The following DNMT3A variants were observed in gnomAD, a reference collection of about 807,000 sequenced individuals.
DNMT3A encodes the protein DNA (cytosine-5)-methyltransferase 3A.
Under a neutral mutation model 117.6 loss-of-function variants are expected in DNMT3A, and 267 were observed. That is an observed-to-expected ratio of 2.27 (90% CI 2.05 to 2.51). DNMT3A has a LOEUF of 2.51. Ranked by LOEUF, DNMT3A falls within the 30% of genes most tolerant of loss-of-function variation. The pLI, the probability that DNMT3A is intolerant of heterozygous loss-of-function variation, is 0.00. For missense variants in DNMT3A, 1,029 were observed against 1,260.2 expected (o/e 0.82, Z 2.78); for synonymous variants, 432 against 474.8 (o/e 0.91, Z 1.17).
At chr2:25,238,728 CCT>C (rs542316488) in intron 20 of DNMT3A, among the ~76,000 whole-genome samples, 98 of 152,254 alleles carry the variant, frequency 6.4e-4, no homozygotes, top group African/African-American at 2.2e-3. Context: ...TGCAAGATTC[CCT>C]CTCCTGGAAC....
chr2:25,244,440 G>A (rs572872144), intron 14 of DNMT3A, 100 bp downstream of exon 14: 35 of 1,577,016 alleles, frequency 2.2e-5, no homozygotes, highest in Middle Eastern at 1.7e-4. Flanking sequence ...GCATGGCTAG[G>A]GGGTGGAGGG....
At chr2:25,288,998 T>G (rs1014685694) in intron 3 of DNMT3A, among the ~76,000 whole-genome samples, 6 of 152,352 alleles carry the variant, frequency 3.9e-5, no homozygotes, top group East Asian at 1.9e-4. Flanking sequence ...ATGCCACGTT[T>G]GTTTACAAAG....
intron 6 of DNMT3A, among the ~76,000 whole-genome samples, chr2:25,265,364 G>C (rs1211343139): frequency 3.9e-5 from 6 of 152,178 alleles, no homozygotes. Context: ...AGGAAACCAG[G>C]AAAACTGGGA....
chr2:25,247,453 CA>C lies in DNMT3A; in HGVS notation c.1014+137del. On this transcript the variant is annotated intron_variant, in intron 8 of 22. Coordinates refer to ENST00000321117, the MANE Select transcript of DNMT3A (RefSeq NM_022552.5). The surrounding 1 kb of genome is among the most constrained non-coding windows in gnomAD (Gnocchi z 5.6). ...ACCTAATTATCCCTACAGCTTCTTC[CA>C]CCCACCACAGGCAGAGTAGGGGTGA... The C allele has an allele frequency of 7.5e-7, 1 of 1,333,992 alleles. No homozygotes were observed. The highest frequency in any genetic ancestry group is 1.4e-5 in the South Asian group (1 of 69,972). 82.6% of individuals were successfully genotyped at this position (1,333,992 alleles called of 1,614,324 possible). A position where few individuals can be genotyped will look rare whatever the true frequency, so the allele number is the denominator to read the frequency against.
At chr2:25,277,560 G>A in intron 4 of DNMT3A, among the ~76,000 whole-genome samples, 1 of 152,188 alleles carries the variant, frequency 6.6e-6, no homozygotes, top group East Asian at 1.9e-4. Flanking sequence ...GCTGGCTCTC[G>A]GACCTGGACT....
At chr2:25,297,479 A>G (rs2033157537) in intron 3 of DNMT3A, among the ~76,000 whole-genome samples, 1 of 148,328 alleles carries the variant, frequency 6.7e-6, no homozygotes, top group Non-Finnish European at 1.5e-5. Flanking sequence ...GCAGTGGAAC[A>G]GGTTTTTTAC....
At chr2:25,271,369 A>C (rs184742190) in intron 6 of DNMT3A, among the ~76,000 whole-genome samples, 3 of 152,326 alleles carry the variant, frequency 2.0e-5, no homozygotes, top group Non-Finnish European at 4.4e-5. Context: ...ACAAACAAAG[A>C]AAACAGGCCT....
chr2:25,250,935 C>T (rs772543510), intron 6 of DNMT3A, among the ~76,000 whole-genome samples: 8 of 152,230 alleles, frequency 5.3e-5, no homozygotes, highest in Non-Finnish European at 1.2e-4. Context: ...ACCCTCAGCA[C>T]TCCCCCACGG....
chr2:25,242,618 C>T lies in DNMT3A; in HGVS notation c.1937-911G>A, dbSNP rs192237306. Among the ~76,000 whole-genome samples the T allele has an allele frequency of 1.3e-3, 198 of 152,320 alleles. 1 individual carries two copies. The highest frequency in any genetic ancestry group is 4.5e-3 in the African/African-American group (186 of 41,556). ...CATCTGGCCGGGGAAGCCATCCCCTCCGCCTCACCCTCTAACCAGGGTCCC... is the reference window on the plus strand; with the variant it reads ...CATCTGGCCGGGGAAGCCATCCCCTTCGCCTCACCCTCTAACCAGGGTCCC... On this transcript the variant is annotated intron_variant, in intron 16 of 22. Transcript: ENST00000321117.
Position 25,296,013 on chromosome 2 carries a change from G to A in DNMT3A, c.177+4126C>T, listed in dbSNP as rs1339629863. Among the ~76,000 whole-genome samples, 1 of 152,150 alleles carries A rather than the reference G, an allele frequency of 6.6e-6. No homozygotes were observed. The highest frequency in any genetic ancestry group is 1.9e-4 in the East Asian group (1 of 5,202). On this transcript the variant is annotated intron_variant, in intron 3 of 22. Coordinates refer to ENST00000321117, the MANE Select transcript of DNMT3A (RefSeq NM_022552.5). This position sits in a 1 kb window ranked among gnomAD's most constrained non-coding sequence, Gnocchi z 4.2. ...TCTCAGTGCACCAAGAAATGATACG[G>A]TTGTAAAATATAAAATCACAGCACG...
chr2:25,266,609 G>A (rs1024484521), intron 6 of DNMT3A, among the ~76,000 whole-genome samples: 4 of 152,230 alleles, frequency 2.6e-5, no homozygotes, highest in Non-Finnish European at 5.9e-5. Flanking sequence ...AGGAAGCACA[G>A]TCTGTTGAGA....
intron 1 of DNMT3A, among the ~76,000 whole-genome samples, chr2:25,341,001 G>A (rs1217754788): frequency 1.4e-5 from 2 of 146,834 alleles, no homozygotes; most frequent in African/African-American, 4.9e-5. Context: ...CGTGCCGCCG[G>A]CACTCCGGGG....
At position 25,296,601 on chromosome 2, in the gene DNMT3A, T is replaced by C. The variant is rs1160750835; in HGVS notation, c.177+3538A>G. Among the ~76,000 whole-genome samples, 1 of 152,236 alleles carries C rather than the reference T, an allele frequency of 6.6e-6. No homozygotes were observed. The highest frequency in any genetic ancestry group is 6.5e-5 in the Admixed American group (1 of 15,284). Reference sequence around the variant, plus strand: ...TTGACTGAAATAGAAGGCATCTTCCTCTGGTGGCTTCCCGCACATGGTCAG... The same window carrying C: ...TTGACTGAAATAGAAGGCATCTTCCCCTGGTGGCTTCCCGCACATGGTCAG... On this transcript the variant is annotated intron_variant, in intron 3 of 22. Transcript: ENST00000321117. The surrounding 1 kb of genome is among the most constrained non-coding windows in gnomAD (Gnocchi z 4.2).
At chr2:25,308,317 T>TA (rs1247032867) in intron 2 of DNMT3A, among the ~76,000 whole-genome samples, 3 of 152,158 alleles carry the variant, frequency 2.0e-5, no homozygotes, top group Non-Finnish European at 2.9e-5. Context: ...TAGGAGCTGT[T>TA]TTCCTGCTCA....
chr2:25,342,108 C>G (rs2035487322), upstream of DNMT3A, among the ~76,000 whole-genome samples: 1 of 144,838 alleles, frequency 6.9e-6, no homozygotes, highest in African/African-American at 2.5e-5. This position sits in a 1 kb window ranked among gnomAD's most constrained non-coding sequence, Gnocchi z 5.9. Context: ...CGCTCGCCCC[C>G]CGCGGCCGCG....
At chr2:25,264,992 A>T (rs1387249204) in intron 6 of DNMT3A, among the ~76,000 whole-genome samples, 1 of 152,342 alleles carries the variant, frequency 6.6e-6, no homozygotes, top group Middle Eastern at 3.4e-3. Context: ...CCAGGAAACT[A>T]AAATGCCGAA....
At chr2:25,250,406 CCCCCAAA>C (rs1479438210) in intron 6 of DNMT3A, among the ~76,000 whole-genome samples, 1 of 152,196 alleles carries the variant, frequency 6.6e-6, no homozygotes, top group African/African-American at 2.4e-5. Context: ...TTGCCCCCAA[CCCCCAAA>C]CAGCTGGGAA....
In DNMT3A at chr2:25,244,319, C is replaced by T. The variant is rs1299203502; in HGVS notation, c.1687G>A (p.Val563Met). ...GCCCCCGGCCCCACCAAGAGGTCCACACACTCCACGCAAAAGCACCTGGAA... is the reference window on the plus strand; with the variant it reads ...GCCCCCGGCCCCACCAAGAGGTCCATACACTCCACGCAAAAGCACCTGGAA... ...NCCRCFCVEC[V>M]DLLVGPGAAQ... The change falls in exon 15 of 23, where the codon GTG (valine) becomes ATG (methionine). Residue 563 changes from valine to methionine, a missense_variant. Transcript: ENST00000321117. 5 of 1,608,984 alleles carry T rather than the reference C, an allele frequency of 3.1e-6. No individual in the cohort carries two copies. Among genetic ancestry groups the T allele is most frequent in the Admixed American group, 1.7e-5 (1 of 59,072 alleles).
intron 6 of DNMT3A, among the ~76,000 whole-genome samples, chr2:25,274,419 C>A (rs1166311066): frequency 6.6e-6 from 1 of 152,232 alleles, no homozygotes; most frequent in Admixed American, 6.5e-5. Context: ...ATGTGTGGAG[C>A]CCCGCCTGCC....
Sources: allele counts gnomAD v4.1 joint callset (sites outside exome capture counted in the v4.1 genomes callset), GRCh38; gene constraint gnomAD v4.1.1; non-coding constraint Gnocchi (gnomAD v3.1); transcripts MANE v1.5; gene names NCBI Gene and HGNC (gene_info 2026-07-23, HGNC 2026-07-21).